CRYL1: variants seen among roughly 807,000 people sequenced by gnomAD.
CRYL1 encodes the protein lambda-crystallin homolog.
In CRYL1, 29 loss-of-function variants were observed where a neutral mutation model predicts 36.6. The ratio of observed to expected loss-of-function variants is 0.79; its 90% confidence interval spans 0.59 to 1.08. The LOEUF (loss-of-function observed/expected upper bound fraction) is 1.08. Among genes scored for constraint, CRYL1 ranks in the 50% least tolerant of loss-of-function variants. CRYL1 has a pLI of 0.00. For missense variants in CRYL1, 411 were observed against 407.9 expected (o/e 1.01, Z -0.06); for synonymous variants, 152 against 151.5 (o/e 1.00, Z -0.02).
chr13:20,457,441 G>C (rs2032715603), intron 3 of CRYL1, among the ~76,000 whole-genome samples: 1 of 152,026 alleles, frequency 6.6e-6, no homozygotes, highest in Admixed American at 6.6e-5. Context: ...TAATTAATGA[G>C]ACTTCAAGAT....
At chr13:20,500,519 T>C (rs892572168) in intron 2 of CRYL1, among the ~76,000 whole-genome samples, 12 of 152,246 alleles carry the variant, frequency 7.9e-5, no homozygotes, top group African/African-American at 2.7e-4. Context: ...CAGTGATTCT[T>C]GTTCCATTTT....
intron 3 of CRYL1, among the ~76,000 whole-genome samples, chr13:20,470,066 G>A (rs1344969771): frequency 2.6e-5 from 4 of 152,184 alleles, no homozygotes; most frequent in African/African-American, 2.4e-5. Flanking sequence ...AGCTACACCC[G>A]TCCTCCCTGC....
intron 3 of CRYL1, among the ~76,000 whole-genome samples, chr13:20,482,948 C>T (rs754279366): frequency 7.9e-5 from 12 of 152,068 alleles, no homozygotes; most frequent in Non-Finnish European, 1.6e-4. Flanking sequence ...CACAGAAAGG[C>T]GAAGATCCCA....
intron 3 of CRYL1, among the ~76,000 whole-genome samples, chr13:20,445,378 C>A (rs902979523): frequency 2.0e-5 from 3 of 152,146 alleles, no homozygotes; most frequent in African/African-American, 7.2e-5. Flanking sequence ...CCAGTTGGAA[C>A]CCTCAAGGGC....
Position 20,481,996 on chromosome 13 carries a change from A to G in CRYL1, c.276+7374T>C, listed in dbSNP as rs2033288749. Among the ~76,000 whole-genome samples, 1 of 152,156 alleles carries G rather than the reference A, an allele frequency of 6.6e-6. No homozygotes were observed. Among genetic ancestry groups the G allele is most frequent in the South Asian group, 2.1e-4 (1 of 4,826 alleles). On this transcript the variant is annotated intron_variant, in intron 3 of 7. Coordinates refer to ENST00000298248, the MANE Select transcript of CRYL1 (RefSeq NM_015974.3). The surrounding 1 kb of genome is among the most constrained non-coding windows in gnomAD (Gnocchi z 4.1). ...TTCCCGAATATTCTCAGGGCTGGCC[A>G]TCCCATGTGTCCAATGCTGCCTGAA...
intron 2 of CRYL1, among the ~76,000 whole-genome samples, chr13:20,498,217 C>G (rs548366360): frequency 1.3e-5 from 2 of 150,698 alleles, no homozygotes; most frequent in East Asian, 3.9e-4. Context: ...ACTACACATA[C>G]CCCATATACA....
intron 3 of CRYL1, among the ~76,000 whole-genome samples, chr13:20,470,370 G>A (rs780320968): frequency 3.3e-5 from 5 of 152,176 alleles, no homozygotes; most frequent in Admixed American, 6.5e-5. Context: ...CAAGCTCTCC[G>A]GGCTGCCAGC....
chr13:20,441,705 A>T (rs2032354802), intron 3 of CRYL1, among the ~76,000 whole-genome samples: 2 of 152,248 alleles, frequency 1.3e-5, no homozygotes, highest in African/African-American at 4.8e-5. Flanking sequence ...AAATGTTTTC[A>T]AGTTTAATTG....
chr13:20,485,821 C>CT (rs2033385972), intron 3 of CRYL1, among the ~76,000 whole-genome samples: 1 of 152,176 alleles, frequency 6.6e-6, no homozygotes, highest in African/African-American at 2.4e-5. Flanking sequence ...AAATACCTTC[C>CT]TTGCAGGATT....
intron 3 of CRYL1, among the ~76,000 whole-genome samples, chr13:20,488,296 A>T (rs941196109): frequency 3.3e-5 from 5 of 152,156 alleles, no homozygotes; most frequent in African/African-American, 9.7e-5. Flanking sequence ...ACTCATTAGG[A>T]GCCCTCAGGT....
chr13:20,416,487 G>A (rs1490486792), intron 5 of CRYL1, among the ~76,000 whole-genome samples: 2 of 152,152 alleles, frequency 1.3e-5, no homozygotes, highest in African/African-American at 2.4e-5. Context: ...GGAAGGCCTG[G>A]GCTGTGGCCC....
At chr13:20,501,155 G>A (rs115813403) in intron 2 of CRYL1, among the ~76,000 whole-genome samples, 3,426 of 152,232 alleles carry the variant, frequency 0.023, 114 homozygotes, top group African/African-American at 0.078. Flanking sequence ...TTCTTCCTTG[G>A]CTGTACTCAT....
At chr13:20,456,631 CACACACA>C (rs1194168063) in intron 3 of CRYL1, among the ~76,000 whole-genome samples, 23 of 39,942 alleles carry the variant, frequency 5.8e-4, no homozygotes, top group African/African-American at 1.5e-3. Flanking sequence ...CACACACACA[CACACACA>C]AAGACCACGA....
At chr13:20,427,858 A>C (rs2031967568) in intron 5 of CRYL1, among the ~76,000 whole-genome samples, 1 of 152,180 alleles carries the variant, frequency 6.6e-6, no homozygotes, top group Non-Finnish European at 1.5e-5. Context: ...CCCTGCAGCC[A>C]TTGAAAGAAT....
At chr13:20,439,875 G>T in intron 3 of CRYL1, 121 bp from the exon 4 acceptor site, 1 of 961,300 alleles carries the variant, frequency 1.0e-6, no homozygotes, top group Non-Finnish European at 1.6e-6. Flanking sequence ...TTCAAGACGT[G>T]TTATCCCAAA....
chr13:20,514,904 C>T (rs1019782553), intron 1 of CRYL1, among the ~76,000 whole-genome samples: 2 of 150,330 alleles, frequency 1.3e-5, no homozygotes, highest in Non-Finnish European at 2.9e-5. Flanking sequence ...GAAATGAAAA[C>T]ATGTCCACAA....
intron 3 of CRYL1, among the ~76,000 whole-genome samples, chr13:20,485,010 G>T (rs991711276): frequency 6.6e-6 from 1 of 152,112 alleles, no homozygotes; most frequent in Non-Finnish European, 1.5e-5. Flanking sequence ...TATGCACTAG[G>T]TTTTGTTGTT....
Position 20,438,220 on chromosome 13 carries a change from G to A in CRYL1, c.438+1373C>T, listed in dbSNP as rs566328843. ...TGCTCTTCTTAGCACATAAAACCTG[G>A]TGGGCATCTACAGATCCGGTAGGAG... is the stretch of plus-strand genomic sequence containing the variant. On this transcript the variant is annotated intron_variant, in intron 4 of 7. Transcript: ENST00000298248. 2.0e-5 allele frequency among the ~76,000 whole-genome samples: 3 copies of A among 152,194 alleles called. No individual in the cohort carries two copies. The South Asian group carries it at 6.2e-4, about 32-fold the overall frequency.
At chr13:20,521,081 T>C (rs9509265) in intron 1 of CRYL1, among the ~76,000 whole-genome samples, 117,404 of 135,572 alleles carry the variant, frequency 0.87, 52,628 homozygotes, top group East Asian at 1. Context: ...CCAGCCTGGG[T>C]GAAAGAGCGA....
Sources: gnomAD v4.1 joint callset for allele counts (sites outside exome capture counted in the v4.1 genomes callset) on GRCh38, gnomAD v4.1.1 for gene constraint, Gnocchi (gnomAD v3.1) non-coding constraint, MANE v1.5 for transcripts, NCBI Gene and HGNC (gene_info 2026-07-23, HGNC 2026-07-21) for gene names.